The following ACOT7 variants were observed in gnomAD, a reference collection of about 807,000 sequenced individuals.
The protein encoded by ACOT7 is cytosolic acyl coenzyme A thioester hydrolase.
A neutral mutation model predicts 40.2 loss-of-function variants in ACOT7; 12 were observed. That is an observed-to-expected ratio of 0.30 (90% confidence interval 0.19 to 0.48). The LOEUF is 0.48. Ranked by LOEUF, ACOT7 falls within the 20% of genes least tolerant of loss-of-function variation. ACOT7 has a pLI of 0.99. For missense variants in ACOT7, 395 were observed against 530.8 expected, an observed-to-expected ratio of 0.74 and a Z score of 2.51; for synonymous variants, 228 against 219.5, an observed-to-expected ratio of 1.04 and a Z score of -0.34.
chr1:6,364,533 ACT>A (rs1641958500), intron 1 of ACOT7, among the ~76,000 whole-genome samples: 5 of 115,462 alleles, frequency 4.3e-5, no homozygotes, highest in African/African-American at 1.8e-4. Flanking sequence ...AGAGCAAGAG[ACT>A]CTGTCTCAAA....
At chr1:6,377,210 T>A (rs1642248694) in intron 1 of ACOT7, among the ~76,000 whole-genome samples, 3 of 152,014 alleles carry the variant, frequency 2.0e-5, no homozygotes, top group Admixed American at 2.0e-4. Flanking sequence ...TTCAATTAAA[T>A]CAATCCTATA....
At chr1:6,296,447 G>T (rs1459894259) in intron 6 of ACOT7, among the ~76,000 whole-genome samples, 3 of 147,580 alleles carry the variant, frequency 2.0e-5, no homozygotes, top group Admixed American at 6.7e-5. Context: ...TTTTTGAGAC[G>T]GAGTCTCGCA....
At chr1:6,329,512 G>GC (rs1312655233) in intron 4 of ACOT7, among the ~76,000 whole-genome samples, 1 of 151,682 alleles carries the variant, frequency 6.6e-6, no homozygotes, top group Non-Finnish European at 1.5e-5. Context: ...AAAGGAGCCA[G>GC]CCCCCGGTCT....
chr1:6,304,949 C>A (rs1201682604), intron 6 of ACOT7, among the ~76,000 whole-genome samples: 2 of 147,002 alleles, frequency 1.4e-5, no homozygotes, highest in Non-Finnish European at 3.0e-5. Flanking sequence ...CAGAGGGGCT[C>A]CTCACTTCCC....
intron 1 of ACOT7, chr1:6,360,704 A>G (rs1275055037): frequency 1.2e-6 from 2 of 1,613,306 alleles, no homozygotes; most frequent in Non-Finnish European, 1.7e-6. Flanking sequence ...GCCAAATGGA[A>G]CTCAAGGAAT....
chr1:6,360,370 C>T (rs1312763302), intron 1 of ACOT7, among the ~76,000 whole-genome samples: 1 of 152,210 alleles, frequency 6.6e-6, no homozygotes, highest in African/African-American at 2.4e-5. Context: ...GGCAGCCTGC[C>T]GGGGCCCAGG....
In ACOT7 at chr1:6,306,915, G is replaced by C. The variant is rs1234136123; in HGVS notation, c.712+11577C>G. 1 of 1,288,922 alleles carries C rather than the reference G, an allele frequency of 7.8e-7. No homozygotes were observed. Among genetic ancestry groups the C allele is most frequent in the East Asian group, 5.5e-5 (1 of 18,040 alleles). The allele number at this position is 1,288,922 out of a possible 1,614,324, so 79.8% of individuals were successfully genotyped here. A position where few individuals can be genotyped will look rare whatever the true frequency, so the allele number is the denominator to read the frequency against. ...TGCAAAAGATTGTTTTTTCACAACT[G>C]CCCCAAGAAGACCAAGTGAACAAGA... is the stretch of plus-strand genomic sequence containing the variant. On this transcript the variant is annotated intron_variant, in intron 6 of 8. Coordinates refer to ENST00000361521, the MANE Select transcript of ACOT7 (RefSeq NM_007274.4). This position sits in a 1 kb window ranked among gnomAD's most constrained non-coding sequence, Gnocchi z 4.3.
In ACOT7 at chr1:6,288,291, G is replaced by A. The variant is rs1639563208; in HGVS notation, c.829+6573C>T. Reference sequence around the variant, plus strand: ...TGGGAACTCCACGCGCCTTTGGTGGGTGGGCACTTCCCATTTCCCATGAGA... The same window carrying A: ...TGGGAACTCCACGCGCCTTTGGTGGATGGGCACTTCCCATTTCCCATGAGA... On this transcript the variant is annotated intron_variant, in intron 7 of 8. Coordinates refer to ENST00000361521, the MANE Select transcript of ACOT7 (RefSeq NM_007274.4). This position sits in a 1 kb window ranked among gnomAD's most constrained non-coding sequence, Gnocchi z 4.3. 6.6e-6 allele frequency among the ~76,000 whole-genome samples: 1 copy of A among 152,234 alleles called. No individual in the cohort carries two copies. The highest frequency in any genetic ancestry group is 6.5e-5 in the Admixed American group (1 of 15,284).
rs757859106 is a variant in ACOT7 at position 6,264,625 on chromosome 1, C to T, written c.1085G>A (p.Arg362Gln). The change falls in exon 9 of 9, where the codon CGA becomes CAA. Residue 362 changes from arginine to glutamine, a missense_variant. Transcript: ENST00000361521. ...KGRYLQMKAK[R>Q]QGHAEPQP ...GGGCTGAGGCTCCGCGTGGCCCTGT[C>T]GCTTCGCCTTCATCTGCAGGTACCG... is the stretch of plus-strand genomic sequence containing the variant. 6 of 1,613,168 alleles carry T rather than the reference C, an allele frequency of 3.7e-6. No individual in the cohort carries two copies. The highest frequency in any genetic ancestry group is 2.2e-5 in the East Asian group (1 of 44,878).
intron 1 of ACOT7, among the ~76,000 whole-genome samples, chr1:6,361,605 G>A (rs536741152): frequency 6.6e-6 from 1 of 152,222 alleles, no homozygotes; most frequent in Admixed American, 6.5e-5. Context: ...TTTGACACCA[G>A]CCTGGCCAAC....
At chr1:6,323,736 AAATATATATATATATATAT>A (rs1420142490) in intron 5 of ACOT7, among the ~76,000 whole-genome samples, 4 of 65,590 alleles carry the variant, frequency 6.1e-5, no homozygotes, top group African/African-American at 2.8e-4. Flanking sequence ...AAAAAAAAAA[AAATATATATATATATATAT>A]ATATATATAT....
At chr1:6,354,050 G>A (rs1641670118) in intron 1 of ACOT7, among the ~76,000 whole-genome samples, 1 of 152,174 alleles carries the variant, frequency 6.6e-6, no homozygotes, top group Non-Finnish European at 1.5e-5. Context: ...AGCTGCTCCT[G>A]TCCCAGATCA....
intron 7 of ACOT7, 37 bp from the exon 8 acceptor site, chr1:6,281,323 C>T: frequency 6.3e-7 from 1 of 1,584,582 alleles, no homozygotes; most frequent in Non-Finnish European, 8.6e-7. Flanking sequence ...GGGCGGCCTC[C>T]ACCCCACGGC....
chr1:6,349,072 C>T (rs114480118), intron 2 of ACOT7, among the ~76,000 whole-genome samples: 1 of 152,184 alleles, frequency 6.6e-6, no homozygotes, highest in South Asian at 2.1e-4. Context: ...GGGCTGGCTT[C>T]CCCCCAACAG....
At chr1:6,381,831 A>G (rs911412873) in intron 1 of ACOT7, among the ~76,000 whole-genome samples, 1 of 151,958 alleles carries the variant, frequency 6.6e-6, no homozygotes, top group Non-Finnish European at 1.5e-5. Flanking sequence ...AACATGATTC[A>G]GTCTTTAAAA....
chr1:6,291,448 C>A (rs1639661392), intron 7 of ACOT7, among the ~76,000 whole-genome samples: 2 of 152,206 alleles, frequency 1.3e-5, no homozygotes, highest in South Asian at 2.1e-4. Flanking sequence ...TCAGAGGGAC[C>A]TTGGCCCTGC....
chr1:6,350,322 A>G (rs1383988182), intron 1 of ACOT7, among the ~76,000 whole-genome samples: 2 of 152,164 alleles, frequency 1.3e-5, no homozygotes, highest in Non-Finnish European at 2.9e-5. Context: ...GGCTGTTCTG[A>G]GAACTAAACA....
chr1:6,345,908 C>T (rs1173707977), intron 2 of ACOT7, among the ~76,000 whole-genome samples: 1 of 152,242 alleles, frequency 6.6e-6, no homozygotes, highest in Non-Finnish European at 1.5e-5. Context: ...TGACGGTTGA[C>T]GGTGCCAGGC....
chr1:6,269,211 G>A (rs1015677679), intron 8 of ACOT7, among the ~76,000 whole-genome samples: 1 of 152,228 alleles, frequency 6.6e-6, no homozygotes, highest in Non-Finnish European at 1.5e-5. Context: ...CCTGGGCATG[G>A]GGGCTGCCCT....
Sources: allele counts gnomAD v4.1 joint callset (sites outside exome capture counted in the v4.1 genomes callset), GRCh38; gene constraint gnomAD v4.1.1; non-coding constraint Gnocchi (gnomAD v3.1); transcripts MANE v1.5; gene names NCBI Gene and HGNC (gene_info 2026-07-23, HGNC 2026-07-21).